The following SOCS2 variants were observed in gnomAD, a reference collection of about 807,000 sequenced individuals.
SOCS2 encodes the protein suppressor of cytokine signaling 2.
SOCS2 carries 10 observed loss-of-function variants against 18.6 expected under a neutral mutation model. The observed-to-expected ratio is 0.54, with a 90% confidence interval of 0.33 to 0.91. The LOEUF (loss-of-function observed/expected upper bound fraction) is 0.91. Among genes scored for constraint, SOCS2 ranks in the 40% least tolerant of loss-of-function variants. The pLI is 0.02. For synonymous variants in SOCS2, 104 were observed against 104.0 expected (o/e 1.00, Z 0.00); for missense variants, 231 against 247.2 (o/e 0.93, Z 0.44).
chr12:93,605,481 G>A, the SOCS2 span, among the ~76,000 whole-genome samples: 3 of 152,266 alleles, frequency 2.0e-5, no homozygotes, highest in South Asian at 4.1e-4. Context: ...GTCATCTGAG[G>A]TGAATATGGG....
At chr12:93,592,917 CTT>C in the SOCS2 span, among the ~76,000 whole-genome samples, 9,012 of 107,026 alleles carry the variant, frequency 0.084, 461 homozygotes, top group African/African-American at 0.21. Context: ...ACTGAGAAAG[CTT>C]TTTTTTTTTT....
downstream of SOCS2, among the ~76,000 whole-genome samples, chr12:93,586,208 T>C (rs915154068): frequency 6.6e-6 from 1 of 152,230 alleles, no homozygotes; most frequent in Non-Finnish European, 1.5e-5. Context: ...AAACATCTCT[T>C]GGGTTTTCTC....
the SOCS2 span, among the ~76,000 whole-genome samples, chr12:93,597,113 T>C: frequency 1.3e-5 from 2 of 152,200 alleles, no homozygotes; most frequent in Non-Finnish European, 2.9e-5. Context: ...TTTGTAACTA[T>C]AGCACAAGTA....
At chr12:93,601,344 G>A in the SOCS2 span, among the ~76,000 whole-genome samples, 1 of 151,448 alleles carries the variant, frequency 6.6e-6, no homozygotes, top group African/African-American at 2.4e-5. Context: ...GTGTGGTCTC[G>A]GCTCACTGCA....
At chr12:93,625,872 C>T in the SOCS2 span, among the ~76,000 whole-genome samples, 1 of 152,044 alleles carries the variant, frequency 6.6e-6, no homozygotes, top group Non-Finnish European at 1.5e-5. Context: ...AGTTGCTCTG[C>T]GTCAGAACCC....
At chr12:93,603,628 A>T in the SOCS2 span, among the ~76,000 whole-genome samples, 2 of 152,162 alleles carry the variant, frequency 1.3e-5, no homozygotes, top group African/African-American at 4.8e-5. Context: ...TATTTTTTTT[A>T]AAGCCATTAG....
At chr12:93,580,412 A>C (rs1954522056), downstream of SOCS2, among the ~76,000 whole-genome samples, 2 of 152,124 alleles carry the variant, frequency 1.3e-5, no homozygotes, top group African/African-American at 4.8e-5. Flanking sequence ...ACTTGAGGTC[A>C]GGAGTTCGAG....
chr12:93,580,142 G>A (rs746970895), downstream of SOCS2, among the ~76,000 whole-genome samples: 38 of 152,064 alleles, frequency 2.5e-4, no homozygotes, highest in Non-Finnish European at 3.2e-4. Context: ...AGACTTTTTC[G>A]CCAGTTAAAC....
At chr12:93,613,150 C>T in the SOCS2 span, among the ~76,000 whole-genome samples, 4 of 152,336 alleles carry the variant, frequency 2.6e-5, 1 homozygote, top group Admixed American at 2.6e-4. Context: ...TCTGAAGGCT[C>T]TGCTCATTGC....
chr12:93,584,308 TAAC>T (rs1226377323), downstream of SOCS2, among the ~76,000 whole-genome samples: 2 of 152,234 alleles, frequency 1.3e-5, no homozygotes, highest in Non-Finnish European at 2.9e-5. Context: ...GAGGGTCAGA[TAAC>T]AACCTATTTT....
Position 93,575,310 on chromosome 12 carries a change from T to C in SOCS2, c.*131T>C. The C allele has an allele frequency of 1.6e-6, 1 of 616,030 alleles. No homozygotes were observed. The highest frequency in any genetic ancestry group is 2.7e-6 in the Non-Finnish European group (1 of 376,704). The allele number at this position is 616,030 out of a possible 1,614,324, so 38.2% of individuals were successfully genotyped here. Reference sequence around the variant, plus strand: ...CTAAGAACAGCTGAAGCTAATCTAATTTAAATTTAACAGCTTGAAGAGGTA... The same window carrying C: ...CTAAGAACAGCTGAAGCTAATCTAACTTAAATTTAACAGCTTGAAGAGGTA... On this transcript the variant is annotated 3_prime_UTR_variant, in exon 2 of 2. Coordinates refer to ENST00000551556, the MANE Select transcript of SOCS2 (RefSeq NM_001270471.2).
the SOCS2 span, among the ~76,000 whole-genome samples, chr12:93,603,334 T>G: frequency 6.6e-6 from 1 of 152,204 alleles, no homozygotes; most frequent in African/African-American, 2.4e-5. Context: ...GTCATTGTTA[T>G]TATCCCTATT....
At chr12:93,626,051 C>T in the SOCS2 span, among the ~76,000 whole-genome samples, 8 of 152,284 alleles carry the variant, frequency 5.3e-5, no homozygotes, top group Non-Finnish European at 1.0e-4. Flanking sequence ...CACGGCAAAT[C>T]CTCAGCGCCT....
chr12:93,573,540 C>T (rs1024051234), intron 1 of SOCS2: 1 of 234,504 alleles, frequency 4.3e-6, no homozygotes, highest in Non-Finnish European at 8.2e-6. Context: ...CTGCGAAGCC[C>T]CCGCCGAGCG....
At chr12:93,570,429 G>A (rs1185900491), upstream of SOCS2, 1 of 152,298 alleles carries the variant, frequency 6.6e-6, no homozygotes, top group Non-Finnish European at 1.5e-5. Context: ...TCCGGTCCCC[G>A]GCCGTGGGCA....
chr12:93,590,467 G>C, the SOCS2 span, among the ~76,000 whole-genome samples: 3 of 151,874 alleles, frequency 2.0e-5, no homozygotes, highest in Admixed American at 1.3e-4. Flanking sequence ...TTTTTTTGGA[G>C]AGGAGAGCAG....
Position 93,574,879 on chromosome 12 carries a change from C to T in SOCS2, c.297C>T (p.Tyr99=), listed in dbSNP as rs752749173. 1.2e-6 allele frequency: 2 copies of T among 1,614,168 alleles called. No individual in the cohort carries two copies. Among genetic ancestry groups the T allele is most frequent in the Non-Finnish European group, 1.7e-6 (2 of 1,180,040 alleles). The change falls in exon 2 of 2, where the codon TAC becomes TAT. Residue 99 remains tyrosine (Y), a synonymous_variant. Transcript: ENST00000551556. ...SAGPTNLRIE[Y]QDGKFRLDSI... ...GACCAACTAATCTTCGAATCGAATA[C>T]CAAGACGGAAAATTCAGATTGGACT... is the stretch of plus-strand genomic sequence containing the variant.
At chr12:93,624,455 C>G in the SOCS2 span, among the ~76,000 whole-genome samples, 1 of 151,960 alleles carries the variant, frequency 6.6e-6, no homozygotes, top group Non-Finnish European at 1.5e-5. Context: ...ACCTGTAGTC[C>G]CAGCTACTAG....
chr12:93,613,917 T>C, the SOCS2 span, among the ~76,000 whole-genome samples: 2 of 152,278 alleles, frequency 1.3e-5, no homozygotes, highest in East Asian at 3.9e-4. Context: ...TTAAAGCTGG[T>C]ACCCTCCCAA....
Sources: allele counts gnomAD v4.1 joint callset (sites outside exome capture counted in the v4.1 genomes callset), GRCh38; gene constraint gnomAD v4.1.1; transcripts MANE v1.5; gene names NCBI Gene and HGNC (gene_info 2026-07-23, HGNC 2026-07-21).